The following DNM3 variants were observed in gnomAD, a reference collection of about 807,000 sequenced individuals.
The protein encoded by DNM3 is dynamin-3.
DNM3 carries 47 observed loss-of-function variants against 101.6 expected under a neutral mutation model. The ratio of observed to expected loss-of-function variants is 0.46; its 90% CI spans 0.37 to 0.59. The LOEUF (loss-of-function observed/expected upper bound fraction) is 0.59, where lower values mean the gene tolerates loss of function less well. DNM3 is among the 20% of genes least tolerant of loss of function. The pLI, the probability that DNM3 is intolerant of heterozygous loss-of-function variation, is 0.00. For synonymous variants in DNM3, 385 were observed against 387.9 expected (o/e 0.99, Z 0.09); for missense variants, 849 against 1,085.7 (o/e 0.78, Z 3.06).
At chr1:171,855,439 T>C (rs1484200519) in intron 1 of DNM3, among the ~76,000 whole-genome samples, 2 of 152,210 alleles carry the variant, frequency 1.3e-5, no homozygotes, top group African/African-American at 2.4e-5. Flanking sequence ...TTTTAGTTCT[T>C]TGAGGAATCA....
intron 14 of DNM3, among the ~76,000 whole-genome samples, chr1:172,172,163 A>C (rs1317694365): frequency 6.6e-6 from 1 of 151,652 alleles, no homozygotes; most frequent in African/African-American, 2.4e-5. Context: ...GTAAGTAGTT[A>C]ACAACTTGGG....
intron 2 of DNM3, among the ~76,000 whole-genome samples, chr1:171,958,336 T>C (rs1427746657): frequency 6.6e-6 from 1 of 152,154 alleles, no homozygotes; most frequent in East Asian, 1.9e-4. Flanking sequence ...CCAAACCATA[T>C]CACAGGTTAT....
chr1:171,886,080 A>C (rs954733405), intron 1 of DNM3, among the ~76,000 whole-genome samples: 1 of 152,186 alleles, frequency 6.6e-6, no homozygotes, highest in Non-Finnish European at 1.5e-5. Flanking sequence ...CAATAGTCAG[A>C]TTTGTCTCAA....
chr1:172,048,053 C>A (rs908115483), intron 9 of DNM3, among the ~76,000 whole-genome samples: 1 of 152,104 alleles, frequency 6.6e-6, no homozygotes, highest in African/African-American at 2.4e-5. Context: ...TATTATAACA[C>A]CAGTTTGAAT....
At chr1:172,145,385 C>T (rs901937080) in intron 14 of DNM3, among the ~76,000 whole-genome samples, 2 of 149,410 alleles carry the variant, frequency 1.3e-5, no homozygotes, top group Non-Finnish European at 3.0e-5. Flanking sequence ...TCCCTCCCTC[C>T]CTCCTTCCCT....
At chr1:171,937,461 T>C (rs2041515463) in intron 2 of DNM3, among the ~76,000 whole-genome samples, 1 of 152,240 alleles carries the variant, frequency 6.6e-6, no homozygotes, top group Non-Finnish European at 1.5e-5. Context: ...TAAATTTTAA[T>C]GTGCACAAGA....
At chr1:172,390,608 C>A (rs2069470097) in intron 20 of DNM3, among the ~76,000 whole-genome samples, 1 of 152,248 alleles carries the variant, frequency 6.6e-6, no homozygotes, top group Non-Finnish European at 1.5e-5. Context: ...TAAAATTCCT[C>A]TCCACGTGAG....
At chr1:171,987,023 T>C (rs2125612729) in intron 2 of DNM3, among the ~76,000 whole-genome samples, 1 of 152,184 alleles carries the variant, frequency 6.6e-6, no homozygotes, top group East Asian at 1.9e-4. Context: ...TTTAGTGTTT[T>C]TCCCTCTGCT....
chr1:172,268,898 A>G (rs2062974460), intron 15 of DNM3, among the ~76,000 whole-genome samples: 1 of 152,184 alleles, frequency 6.6e-6, no homozygotes, highest in Non-Finnish European at 1.5e-5. Flanking sequence ...ATGTCATTAA[A>G]AGATTTTGGA....
chr1:171,924,653 T>A lies in DNM3; in HGVS notation c.235+2832T>A, dbSNP rs148841751. ...CTGCCCCCCATTAATTACCTCCACC[T>A]GGTCTCTCCCTTGACATGTGGGGAT... is the stretch of plus-strand genomic sequence containing the variant. On this transcript the variant is annotated intron_variant, in intron 2 of 20. Transcript: ENST00000627582. Among the ~76,000 whole-genome samples, 1,166 of 152,274 alleles carry A rather than the reference T, an allele frequency of 7.7e-3. 9 individuals carry two copies. The highest frequency in any genetic ancestry group is 0.027 in the African/African-American group (1,111 of 41,546).
At chr1:172,347,791 G>A (rs1480769884) in intron 17 of DNM3, among the ~76,000 whole-genome samples, 4 of 152,138 alleles carry the variant, frequency 2.6e-5, no homozygotes, top group Non-Finnish European at 5.9e-5. Context: ...AGCACTGTTT[G>A]TAATAGTGAA....
intron 4 of DNM3, among the ~76,000 whole-genome samples, chr1:172,020,193 C>G (rs1445925739): frequency 6.6e-6 from 1 of 152,068 alleles, no homozygotes; most frequent in Non-Finnish European, 1.5e-5. Context: ...TTTAGTGAGC[C>G]TGTGCTTCTG....
At chr1:172,185,499 A>G (rs2059491482) in intron 14 of DNM3, among the ~76,000 whole-genome samples, 1 of 152,118 alleles carries the variant, frequency 6.6e-6, no homozygotes, top group Admixed American at 6.6e-5. Context: ...AGCTTCACCT[A>G]ATTCATTCTA....
chr1:172,112,588 T>A (rs1336961915), intron 13 of DNM3, among the ~76,000 whole-genome samples: 2 of 152,180 alleles, frequency 1.3e-5, no homozygotes, highest in Non-Finnish European at 2.9e-5. Context: ...CCTGAAAACA[T>A]AACCAATTCC....
At chr1:171,887,751 T>G (rs968275469) in intron 1 of DNM3, among the ~76,000 whole-genome samples, 2 of 152,204 alleles carry the variant, frequency 1.3e-5, no homozygotes, top group Non-Finnish European at 2.9e-5. Context: ...TGTGTCAATG[T>G]ATATGCATAT....
At chr1:172,118,623 C>G (rs1181623922) in intron 13 of DNM3, among the ~76,000 whole-genome samples, 2 of 152,042 alleles carry the variant, frequency 1.3e-5, no homozygotes, top group East Asian at 1.9e-4. Flanking sequence ...TATTGATTCA[C>G]CATATGAAAT....
In DNM3 at chr1:172,387,314, C is replaced by T. The variant is rs777632501; in HGVS notation, c.2240C>T (p.Pro747Leu). Residue 747 changes from proline (P) to leucine (L), a missense_variant, in exon 19 of 21, where the codon CCG (proline) becomes CTG (leucine). Pro to Leu is a moderately conservative substitution (Grantham distance 98, BLOSUM62 -3). Coordinates refer to ENST00000627582, the MANE Select transcript of DNM3 (RefSeq NM_015569.5). ...GDISTATVSTPAPPPVDDSWI... is the reference protein window; with the variant it reads ...GDISTATVSTLAPPPVDDSWI... ...ATCAGCACAGCCACCGTGTCCACTC[C>T]GGCACCCCCTCCAGTGGATGACTCC... The T allele has an allele frequency of 2.3e-5, 37 of 1,613,670 alleles. No homozygotes were observed. In the African/African-American group the frequency reaches 2.9e-4, roughly 13 times the overall value.
At chr1:172,107,479 G>A (rs1188984468) in intron 13 of DNM3, among the ~76,000 whole-genome samples, 3 of 152,090 alleles carry the variant, frequency 2.0e-5, no homozygotes, top group Non-Finnish European at 4.4e-5. Flanking sequence ...TGCTGCACAG[G>A]GATGTCAATT....
intron 1 of DNM3, among the ~76,000 whole-genome samples, chr1:171,886,632 G>A (rs981981442): frequency 6.6e-6 from 1 of 152,050 alleles, no homozygotes; most frequent in African/African-American, 2.4e-5. Context: ...TGATATGAGA[G>A]TCTGTAATAG....
Sources: allele counts gnomAD v4.1 joint callset (sites outside exome capture counted in the v4.1 genomes callset), GRCh38; gene constraint gnomAD v4.1.1; transcripts MANE v1.5; gene names NCBI Gene and HGNC (gene_info 2026-07-23, HGNC 2026-07-21).